The following RAD51AP1 variants were observed in gnomAD, a reference collection of about 807,000 sequenced individuals.
The protein encoded by RAD51AP1 is RAD51-associated protein 1.
RAD51AP1 carries 14 observed loss-of-function variants against 34.3 expected under a neutral mutation model. The ratio of observed to expected loss-of-function variants is 0.41; its 90% confidence interval spans 0.27 to 0.64. The LOEUF is 0.64. RAD51AP1 is among the 30% of genes least tolerant of loss of function. RAD51AP1 has a pLI of 0.33. For synonymous variants in RAD51AP1, 114 were observed against 129.8 expected (o/e 0.88, Z 0.83); for missense variants, 348 against 386.9 (o/e 0.90, Z 0.84).
Position 4,553,047 on chromosome 12 carries a change from G to A in RAD51AP1, c.621G>A (p.Met207Ile), listed in dbSNP as rs569459346. 1 of 1,606,226 alleles carries A rather than the reference G, an allele frequency of 6.2e-7. No individual in the cohort carries two copies. Among genetic ancestry groups the A allele is most frequent in the Admixed American group, 1.7e-5 (1 of 58,448 alleles). Residue 207 changes from methionine to isoleucine, a missense_variant, in exon 7 of 9, where the codon ATG becomes ATA. Transcript: ENST00000352618. ...AGGATAATGACGAAGACTTCTCTAT[G>A]AGAAAAAGTAAAGTTAAAGAAATTA... ...ESEDNDEDFS[M>I]RKSKVKEIKK...
chr12:4,546,902 A>G (rs1160058090), intron 4 of RAD51AP1, among the ~76,000 whole-genome samples: 1 of 152,228 alleles, frequency 6.6e-6, no homozygotes, highest in African/African-American at 2.4e-5. Context: ...CTGGCAATAT[A>G]TTAATATTCT....
intron 1 of RAD51AP1, among the ~76,000 whole-genome samples, chr12:4,541,389 T>A (rs1220343718): frequency 6.6e-6 from 1 of 152,150 alleles, no homozygotes; most frequent in Non-Finnish European, 1.5e-5. Context: ...GTGGAGAGAT[T>A]GAAAAGAAAG....
chr12:4,539,819 G>C, intron 1 of RAD51AP1, among the ~76,000 whole-genome samples: 1 of 152,186 alleles, frequency 6.6e-6, no homozygotes, highest in East Asian at 1.9e-4. Context: ...AACAGATAGG[G>C]TCTTGTAAGT....
chr12:4,558,371 T>C (rs191009702), intron 8 of RAD51AP1, among the ~76,000 whole-genome samples: 15 of 152,202 alleles, frequency 9.9e-5, no homozygotes, highest in Non-Finnish European at 1.5e-5. Flanking sequence ...GTGGATAATT[T>C]TGAAATAGAT....
intron 6 of RAD51AP1, among the ~76,000 whole-genome samples, chr12:4,551,637 C>T (rs1487504859): frequency 6.6e-6 from 1 of 152,094 alleles, no homozygotes; most frequent in African/African-American, 2.4e-5. Context: ...GGAGAAGATA[C>T]TGCTCTATAT....
At position 4,553,141 on chromosome 12, in the gene RAD51AP1, G is replaced by C; in HGVS notation, c.715G>C (p.Ala239Pro). 6.4e-7 allele frequency: 1 copy of C among 1,572,684 alleles called. No individual in the cohort carries two copies. The highest frequency in any genetic ancestry group is 8.6e-7 in the Non-Finnish European group (1 of 1,163,316). Residue 239 changes from alanine to proline, a missense_variant, in exon 7 of 9, where the codon GCT becomes CCT. Transcript: ENST00000352618. ...KEKKSKSKCN[A>P]LVTSVDSAPA... ...GAAGAAATCTAAATCCAAATGTAAT[G>C]CTTTGGGTAAGCTTGGTCCAAAACA...
At chr12:4,544,160 A>T (rs937362343) in intron 3 of RAD51AP1, among the ~76,000 whole-genome samples, 19 of 128,840 alleles carry the variant, frequency 1.5e-4, no homozygotes, top group African/African-American at 4.8e-4. Context: ...TGGTTTTGAC[A>T]GGACCCAGCA....
In RAD51AP1 at chr12:4,559,081, A is replaced by G; in HGVS notation, c.*88A>G. ...ATTTGTGTTTATATTTGAGGCAGGT[A>G]TTGTAATATAAAGGAATCCATTACC... On this transcript the variant is annotated 3_prime_UTR_variant, in exon 9 of 9. Transcript: ENST00000352618. 6.7e-7 allele frequency: 1 copy of G among 1,482,106 alleles called. No individual in the cohort carries two copies. Among genetic ancestry groups the G allele is most frequent in the South Asian group, 1.2e-5 (1 of 80,990 alleles). 91.8% of individuals were successfully genotyped at this position (1,482,106 alleles called of 1,614,324 possible). A position where few individuals can be genotyped will look rare whatever the true frequency, so the allele number is the denominator to read the frequency against.
intron 8 of RAD51AP1, among the ~76,000 whole-genome samples, chr12:4,557,085 T>C (rs1944587974): frequency 6.6e-6 from 1 of 152,220 alleles, no homozygotes. Flanking sequence ...AGGCCCAAAT[T>C]GTTGCTGCCT....
Position 4,559,811 on chromosome 12 carries a change from G to A in RAD51AP1, c.*818G>A, listed in dbSNP as rs1287499249. 6.6e-6 allele frequency: 1 copy of A among 152,154 alleles called. No homozygotes were observed. Among genetic ancestry groups the A allele is most frequent in the African/African-American group, 2.4e-5 (1 of 41,450 alleles). The allele number at this position is 152,154 out of a possible 1,614,324, so 9.4% of individuals were successfully genotyped here. A position where few individuals can be genotyped will look rare whatever the true frequency, so the allele number is the denominator to read the frequency against. ...GTCATCCCTATTATGATATGAGATA[G>A]TACAGCTTTTCAGGAAGCTTAGATC... is the stretch of plus-strand genomic sequence containing the variant. On this transcript the variant is annotated 3_prime_UTR_variant, in exon 9 of 9. Transcript: ENST00000352618.
Position 4,548,718 on chromosome 12 carries a change from T to G in RAD51AP1, c.438T>G (p.Val146=), listed in dbSNP as rs1425371962. The change falls in exon 6 of 9, where the codon GTT becomes GTG. Residue 146 remains valine (V), a synonymous_variant. Coordinates refer to ENST00000352618, the MANE Select transcript of RAD51AP1 (RefSeq NM_006479.5). ...DLDKITVEDD[V]GGVQGKRKAA... ...ATAAGATTACTGTGGAAGATGATGT[T>G]GGTGGTGTTCAAGGGAAAAGAAAAG... 9 of 1,613,940 alleles carry G rather than the reference T, an allele frequency of 5.6e-6. No individual in the cohort carries two copies. The East Asian group carries it at 2.0e-4, about 36-fold the overall frequency.
rs758683312 is a variant in RAD51AP1 at position 4,558,920 on chromosome 12, A to G, written c.935A>G (p.Asn312Ser). The G allele has an allele frequency of 5.6e-6, 9 of 1,614,034 alleles. No individual in the cohort carries two copies. The highest frequency in any genetic ancestry group is 1.1e-5 in the South Asian group (1 of 91,090). The change falls in exon 9 of 9, where the codon AAT (asparagine) becomes AGT (serine). Residue 312 changes from asparagine to serine, a missense_variant. By Grantham distance (46) the Asn-to-Ser change is conservative (BLOSUM62 1). Transcript: ENST00000352618. Reference sequence around the variant, plus strand: ...GTGGTAGTGTCTGTGAAGTCTCCCAATCAGAGTCTCCGCCTTGGCTTGTCC... The same window carrying G: ...GTGGTAGTGTCTGTGAAGTCTCCCAGTCAGAGTCTCCGCCTTGGCTTGTCC... ...PLVVVSVKSP[N>S]QSLRLGLSRL...
At position 4,559,285 on chromosome 12, in the gene RAD51AP1, T is replaced by TTC. The variant is rs1944604743; in HGVS notation, c.*292_*293insTC. On this transcript the variant is annotated 3_prime_UTR_variant, in exon 9 of 9. Coordinates refer to ENST00000352618, the MANE Select transcript of RAD51AP1 (RefSeq NM_006479.5). The stretch of plus-strand genomic sequence containing the variant: ...ACATCACATGCTGTTCTTTTCTAGT[T>TTC]ACATGATGTGCCTTTCTAGCTTTGT... The TTC allele has an allele frequency of 4.3e-6, 1 of 233,258 alleles. No individual in the cohort carries two copies. The highest frequency in any genetic ancestry group is 8.3e-6 in the Non-Finnish European group (1 of 120,962). The allele number at this position is 233,258 out of a possible 1,614,324, so 14.4% of individuals were successfully genotyped here.
At chr12:4,543,640 A>AT (rs1015188854) in intron 2 of RAD51AP1, 123 bp from the exon 3 acceptor site, 33 of 635,658 alleles carry the variant, frequency 5.2e-5, no homozygotes, top group Non-Finnish European at 8.3e-5. Context: ...ACTAACAATG[A>AT]TTTTTAAATT....
At position 4,546,204 on chromosome 12, in the gene RAD51AP1, G is replaced by A. The variant is rs185841390; in HGVS notation, c.210-105G>A. On this transcript the variant is annotated intron_variant, in intron 3 of 8. Transcript: ENST00000352618. ...GATGATTGTTTAAAAACATTTTTGC[G>A]AAGTTAGCAACTCTTGAATAGTAAT... 206 of 812,196 alleles carry A rather than the reference G, an allele frequency of 2.5e-4. 3 individuals are homozygous for A. The highest frequency in any genetic ancestry group is 2.4e-3 in the South Asian group (133 of 55,788). The allele number at this position is 812,196 out of a possible 1,614,324, so 50.3% of individuals were successfully genotyped here.
At chr12:4,552,927 G>A (rs1258631744) in intron 6 of RAD51AP1, 56 bp from the exon 7 acceptor site, 5 of 1,440,000 alleles carry the variant, frequency 3.5e-6, no homozygotes, top group South Asian at 1.4e-5. Context: ...TAAAGTTAAG[G>A]CAACAGAATC....
At chr12:4,539,575 A>G (rs1373581721) in intron 1 of RAD51AP1, among the ~76,000 whole-genome samples, 2 of 152,206 alleles carry the variant, frequency 1.3e-5, no homozygotes, top group African/African-American at 4.8e-5. Context: ...TAGGGGGCCG[A>G]AAATAAGCCT....
At chr12:4,553,837 A>G (rs1944564069) in intron 7 of RAD51AP1, among the ~76,000 whole-genome samples, 1 of 152,084 alleles carries the variant, frequency 6.6e-6, no homozygotes, top group African/African-American at 2.4e-5. Flanking sequence ...TTTCTTGATA[A>G]TCATTTTTAT....
intron 6 of RAD51AP1, chr12:4,550,519 C>G (rs1440209879): frequency 1.3e-5 from 2 of 152,242 alleles, no homozygotes; most frequent in Admixed American, 6.5e-5. Context: ...GGCTGATTCT[C>G]TATAGCACGG....
Sources: allele counts gnomAD v4.1 joint callset (sites outside exome capture counted in the v4.1 genomes callset), GRCh38; gene constraint gnomAD v4.1.1; transcripts MANE v1.5; gene names NCBI Gene and HGNC (gene_info 2026-07-23, HGNC 2026-07-21).